DCDC1: variants seen among roughly 807,000 people sequenced by gnomAD.
DCDC1 encodes the protein doublecortin domain-containing protein 1.
In DCDC1, 200 loss-of-function variants were observed where a neutral mutation model predicts 178.3. The ratio of observed to expected loss-of-function variants is 1.12; its 90% CI spans 1.00 to 1.26. The LOEUF (loss-of-function observed/expected upper bound fraction) is 1.26. Ranked by LOEUF, DCDC1 falls within the 50% of genes most tolerant of loss-of-function variation. The pLI is 0.00. For missense variants in DCDC1, 1,983 were observed against 1,749.2 expected (o/e 1.13, Z -2.38); for synonymous variants, 690 against 604.8 (o/e 1.14, Z -2.07).
intron 20 of DCDC1, among the ~76,000 whole-genome samples, chr11:31,047,652 A>G (rs1323546292): frequency 6.6e-6 from 1 of 152,194 alleles, no homozygotes; most frequent in Non-Finnish European, 1.5e-5. Flanking sequence ...ACATTTTTAT[A>G]ATGTGACTAT....
rs766130421 is a variant in DCDC1, at chr11:31,125,734, G to A, written c.1485+1735C>T. 1.4e-4 allele frequency among the ~76,000 whole-genome samples: 21 copies of A among 152,004 alleles called. 1 individual carries two copies. Among genetic ancestry groups the A allele is most frequent in the Admixed American group, 8.5e-4 (13 of 15,226 alleles). ...AGTCAGAGATGAATAATGAGAACAC[G>A]TGGACATAGGGAGGGGATCAACACA... On this transcript the variant is annotated intron_variant, in intron 11 of 38. Coordinates refer to ENST00000684477, the MANE Select transcript of DCDC1 (RefSeq NM_001387274.1).
At chr11:31,231,284 A>G (rs909928499) in intron 9 of DCDC1, among the ~76,000 whole-genome samples, 8 of 152,076 alleles carry the variant, frequency 5.3e-5, no homozygotes, top group African/African-American at 1.9e-4. Context: ...TTGTATTTCT[A>G]TCCCACTTCT....
intron 3 of DCDC1, among the ~76,000 whole-genome samples, chr11:31,309,322 T>C (rs1377444429): frequency 6.6e-6 from 1 of 152,134 alleles, no homozygotes; most frequent in Non-Finnish European, 1.5e-5. Flanking sequence ...CCCTACACAT[T>C]GGATATAACC....
At chr11:31,149,131 T>C (rs147149213) in intron 9 of DCDC1, among the ~76,000 whole-genome samples, 383 of 152,340 alleles carry the variant, frequency 2.5e-3, no homozygotes, top group Middle Eastern at 0.01. Context: ...GTTTTCTTAA[T>C]CCACTCATTG....
chr11:30,931,666 G>C (rs1946928808), intron 22 of DCDC1, 105 bp downstream of exon 22: 4 of 1,198,938 alleles, frequency 3.3e-6, no homozygotes, highest in Non-Finnish European at 4.5e-6. Flanking sequence ...GAGCCCTTTT[G>C]CTAAATAAAT....
chr11:31,324,602 G>A (rs1050674987), intron 3 of DCDC1, among the ~76,000 whole-genome samples: 6 of 152,096 alleles, frequency 3.9e-5, no homozygotes, highest in African/African-American at 1.4e-4. Context: ...AACAGTGAAG[G>A]TGTGACCATG....
Position 31,091,388 on chromosome 11 carries a change from A to T in DCDC1, c.2237+5T>A. 1.4e-6 allele frequency: 1 copy of T among 727,638 alleles called. No individual in the cohort carries two copies. Among genetic ancestry groups the T allele is most frequent in the Non-Finnish European group, 2.5e-6 (1 of 396,864 alleles). 45.1% of individuals were successfully genotyped at this position (727,638 alleles called of 1,614,324 possible). A position where few individuals can be genotyped will look rare whatever the true frequency, so the allele number is the denominator to read the frequency against. ...ATCTTGAGCTAAATAATTTATAAGC[A>T]TTACCTTTTCTGTAAGATTAATTTA... On this transcript the variant is annotated splice_donor_5th_base_variant and intron_variant, in intron 17 of 38. Transcript: ENST00000684477.
intron 20 of DCDC1, among the ~76,000 whole-genome samples, chr11:31,048,724 G>T (rs1955034900): frequency 6.6e-6 from 1 of 152,126 alleles, no homozygotes; most frequent in Non-Finnish European, 1.5e-5. Context: ...AGACGTGGTG[G>T]CAGGCGCCTG....
chr11:30,952,490 C>T lies in DCDC1; in HGVS notation c.2670G>A (p.Lys890=). 6.3e-7 allele frequency: 1 copy of T among 1,586,662 alleles called. No homozygotes were observed. Among genetic ancestry groups the T allele is most frequent in the Non-Finnish European group, 8.5e-7 (1 of 1,171,072 alleles). The part of the protein sequence containing the change: ...HSRVENPLWN[K]LTYMWPVLPS... Reference sequence around the variant, plus strand: ...GAAGGACAGGCCACATGTAGGTAAGCTTGTTCCATAGAGGATTTTCAACTC... The same window carrying T: ...GAAGGACAGGCCACATGTAGGTAAGTTTGTTCCATAGAGGATTTTCAACTC... The change falls in exon 21 of 39, where the codon AAG becomes AAA. Residue 890 remains lysine, a synonymous_variant. Coordinates refer to ENST00000684477, the MANE Select transcript of DCDC1 (RefSeq NM_001387274.1).
intron 1 of DCDC1, among the ~76,000 whole-genome samples, chr11:31,357,009 C>A (rs1303222983): frequency 1.3e-5 from 2 of 150,846 alleles, no homozygotes; most frequent in Non-Finnish European, 3.0e-5. Context: ...ACCAGAGGTA[C>A]AAGGAGGAAC....
intron 20 of DCDC1, among the ~76,000 whole-genome samples, chr11:31,007,455 TG>T (rs906183743): frequency 2.0e-5 from 3 of 152,016 alleles, no homozygotes; most frequent in African/African-American, 7.3e-5. Context: ...GGATGAAGGG[TG>T]GTGAAACACT....
chr11:31,001,691 T>C (rs1951590326), intron 20 of DCDC1, among the ~76,000 whole-genome samples: 1 of 152,212 alleles, frequency 6.6e-6, no homozygotes, highest in East Asian at 1.9e-4. Context: ...AGCAGATCTT[T>C]TCTGACAGAA....
chr11:31,296,832 T>A (rs534508465), intron 6 of DCDC1, among the ~76,000 whole-genome samples: 24 of 135,980 alleles, frequency 1.8e-4, no homozygotes, highest in African/African-American at 6.6e-4. Context: ...GAGAACTCAC[T>A]CACTATCATG....
chr11:31,343,328 T>TG (rs1205773280), intron 1 of DCDC1, among the ~76,000 whole-genome samples: 4 of 152,064 alleles, frequency 2.6e-5, no homozygotes, highest in African/African-American at 9.7e-5. Context: ...TTTTTTGAGA[T>TG]GGAGTTTCAC....
chr11:31,028,204 T>A (rs1182287104), intron 20 of DCDC1, among the ~76,000 whole-genome samples: 1 of 151,894 alleles, frequency 6.6e-6, no homozygotes, highest in Non-Finnish European at 1.5e-5. Context: ...CATCTCAAAA[T>A]AAAACCAAAA....
intron 6 of DCDC1, 26 bp from the exon 7 acceptor site, chr11:31,290,878 T>A: frequency 2.5e-6 from 4 of 1,598,230 alleles, no homozygotes; most frequent in Non-Finnish European, 3.4e-6. Context: ...TTAAGTCAAG[T>A]CAATATTTGG....
At position 31,331,719 on chromosome 11, in the gene DCDC1, G is replaced by A. The variant is rs553061991; in HGVS notation, c.-6-3433C>T. Among the ~76,000 whole-genome samples, 5 of 152,298 alleles carry A rather than the reference G, an allele frequency of 3.3e-5. No individual in the cohort carries two copies. The South Asian group carries it at 1.0e-3, about 32-fold the overall frequency. Reference sequence around the variant, plus strand: ...ATGTTGAACCACCCTTGCATCCCAGGGATGAAGCCTACTTGATCGTGGTGG... The same window carrying A: ...ATGTTGAACCACCCTTGCATCCCAGAGATGAAGCCTACTTGATCGTGGTGG... On this transcript the variant is annotated intron_variant, in intron 2 of 38. Coordinates refer to ENST00000684477, the MANE Select transcript of DCDC1 (RefSeq NM_001387274.1).
intron 20 of DCDC1, among the ~76,000 whole-genome samples, chr11:31,011,590 A>G (rs1459710088): frequency 6.6e-6 from 1 of 152,204 alleles, no homozygotes; most frequent in Non-Finnish European, 1.5e-5. Context: ...AAATCCATCA[A>G]ATTAGCAAAA....
chr11:31,202,895 T>G (rs1971461281), intron 9 of DCDC1, among the ~76,000 whole-genome samples: 1 of 152,096 alleles, frequency 6.6e-6, no homozygotes, highest in African/African-American at 2.4e-5. Flanking sequence ...GATATATGAC[T>G]TTATGGAAAG....
Sources: gnomAD v4.1 joint callset for allele counts (sites outside exome capture counted in the v4.1 genomes callset) on GRCh38, gnomAD v4.1.1 for gene constraint, MANE v1.5 for transcripts, NCBI Gene and HGNC (gene_info 2026-07-23, HGNC 2026-07-21) for gene names.